ARMH4: variants seen among roughly 807,000 people sequenced by gnomAD.
ARMH4 encodes the protein armadillo like helical domain containing 4, also known as armadillo-like helical domain-containing protein 4.
Under a neutral mutation model 61.9 loss-of-function variants are expected in ARMH4, and 49 were observed. The observed-to-expected ratio is 0.79, with a 90% CI of 0.63 to 1.00. ARMH4 has a LOEUF of 1.00. Among genes scored for constraint, ARMH4 ranks in the 50% least tolerant of loss-of-function variants. ARMH4 has a pLI of 0.00. For missense variants in ARMH4, 934 were observed against 930.0 expected (o/e 1.00, Z -0.06); for synonymous variants, 368 against 341.5 (o/e 1.08, Z -0.85).
chr14:58,109,375 T>C (rs892604215), intron 4 of ARMH4, among the ~76,000 whole-genome samples: 1 of 152,220 alleles, frequency 6.6e-6, no homozygotes, highest in African/African-American at 2.4e-5. Flanking sequence ...GAACTTTTTG[T>C]TTGTTTTAAA....
At chr14:58,083,254 T>C (rs1303672181) in intron 5 of ARMH4, among the ~76,000 whole-genome samples, 1 of 152,186 alleles carries the variant, frequency 6.6e-6, no homozygotes, top group Non-Finnish European at 1.5e-5. Context: ...ATAAAAATGT[T>C]TTCAAAATTT....
intron 4 of ARMH4, among the ~76,000 whole-genome samples, chr14:58,100,709 G>A (rs1162810859): frequency 1.3e-5 from 2 of 152,054 alleles, no homozygotes; most frequent in African/African-American, 4.8e-5. Flanking sequence ...CTCCTCTTGG[G>A]GGTGGATCCG....
intron 4 of ARMH4, among the ~76,000 whole-genome samples, chr14:58,098,710 G>A (rs1885844840): frequency 6.6e-6 from 1 of 152,194 alleles, no homozygotes; most frequent in South Asian, 2.1e-4. Context: ...AAGAAGCCTG[G>A]GCTGGGAGGC....
At chr14:58,068,135 T>A (rs1884763607) in intron 5 of ARMH4, among the ~76,000 whole-genome samples, 1 of 152,140 alleles carries the variant, frequency 6.6e-6, no homozygotes, top group African/African-American at 2.4e-5. Context: ...TTTAGTTCTT[T>A]TTATTATTCA....
intron 5 of ARMH4, among the ~76,000 whole-genome samples, chr14:58,093,013 TG>T (rs1252976389): frequency 3.3e-5 from 5 of 152,086 alleles, no homozygotes; most frequent in African/African-American, 7.2e-5. Flanking sequence ...GCTTCAATTA[TG>T]GGGGCAGTTT....
intron 5 of ARMH4, among the ~76,000 whole-genome samples, chr14:58,043,078 G>A (rs1883785041): frequency 6.6e-6 from 1 of 152,154 alleles, no homozygotes; most frequent in Admixed American, 6.5e-5. Flanking sequence ...AATAGAAAAA[G>A]AGGGAATCCT....
chr14:58,086,607 C>T (rs1254501147), intron 5 of ARMH4, among the ~76,000 whole-genome samples: 1 of 152,056 alleles, frequency 6.6e-6, no homozygotes, highest in Non-Finnish European at 1.5e-5. Context: ...ATAGAGCATC[C>T]CCTTTCTCCT....
intron 5 of ARMH4, among the ~76,000 whole-genome samples, chr14:58,042,098 A>C (rs1883734953): frequency 6.6e-6 from 1 of 152,144 alleles, no homozygotes; most frequent in African/African-American, 2.4e-5. Flanking sequence ...AAGCAGACCT[A>C]ATAGACATCT....
chr14:58,004,674 G>C lies in ARMH4; in HGVS notation c.*62C>G. On this transcript the variant is annotated 3_prime_UTR_variant, in exon 8 of 8. Coordinates refer to ENST00000267485, the MANE Select transcript of ARMH4 (RefSeq NM_001001872.4). ...GGCAGGTTGTTCTTTTTTTTTTTCT[G>C]CTCCAAAATAAAAATTAGAATAGTA... 1 of 1,297,806 alleles carries C rather than the reference G, an allele frequency of 7.7e-7. No homozygotes were observed. The highest frequency in any genetic ancestry group is 1.1e-6 in the Non-Finnish European group (1 of 922,552). The allele number at this position is 1,297,806 out of a possible 1,614,324, so 80.4% of individuals were successfully genotyped here. A position where few individuals can be genotyped will look rare whatever the true frequency, so the allele number is the denominator to read the frequency against.
Position 58,096,836 on chromosome 14 carries a change from A to G in ARMH4, c.1977T>C (p.Pro659=). ...GDTELPGFTL[P]GITSQEPGLE... is the part of the protein sequence containing the mutation. Reference sequence around the variant, plus strand: ...AGCCTGGTTCCTGGGATGTGATACCAGGGAGGGTAAAACCTGGCAGCTCAG... The same window carrying G: ...AGCCTGGTTCCTGGGATGTGATACCGGGGAGGGTAAAACCTGGCAGCTCAG... Residue 659 remains proline, a synonymous_variant, in exon 5 of 8, where the codon CCT becomes CCC. Coordinates refer to ENST00000267485, the MANE Select transcript of ARMH4 (RefSeq NM_001001872.4). 6.2e-7 allele frequency: 1 copy of G among 1,614,128 alleles called. No homozygotes were observed.
chr14:58,077,335 G>A (rs1164852701), intron 5 of ARMH4, among the ~76,000 whole-genome samples: 1 of 152,216 alleles, frequency 6.6e-6, no homozygotes, highest in African/African-American at 2.4e-5. Flanking sequence ...TGTGCGTGGT[G>A]GTTCAGGCCT....
In ARMH4 at chr14:58,140,274, T is replaced by TA. The variant is rs1566601534; in HGVS notation, c.-56-861_-56-860insT. Among the ~76,000 whole-genome samples, 30 of 72,352 alleles carry TA rather than the reference T, an allele frequency of 4.1e-4. No individual in the cohort carries two copies. In the East Asian group the frequency reaches 6.0e-3, roughly 15 times the overall value. 47.5% of individuals were successfully genotyped at this position (72,352 alleles called of 152,430 possible). On this transcript the variant is annotated intron_variant, in intron 1 of 7. Transcript: ENST00000267485. ...TAGGCAACAAGAGCAAAACTCCATC[T>TA]CAAAAAAAAAAAAGAGAGACCCCAG...
At chr14:58,057,875 A>G (rs1221310411) in intron 5 of ARMH4, among the ~76,000 whole-genome samples, 2 of 152,182 alleles carry the variant, frequency 1.3e-5, no homozygotes, top group Non-Finnish European at 1.5e-5. Context: ...AACAAGAGAG[A>G]GGACCTTGCT....
chr14:58,133,018 C>T, intron 3 of ARMH4, 72 bp downstream of exon 3: 1 of 1,551,662 alleles, frequency 6.4e-7, no homozygotes, highest in Non-Finnish European at 8.8e-7. Context: ...CTGCCTCACT[C>T]ATTCTATTCC....
Position 58,004,458 on chromosome 14 carries a change from T to A in ARMH4, c.*278A>T. Reference sequence around the variant, plus strand: ...TATTTACTCTGCCTAATGTAGCAACTCCTACTGAAAAACATATATGTTGCA... The same window carrying A: ...TATTTACTCTGCCTAATGTAGCAACACCTACTGAAAAACATATATGTTGCA... On this transcript the variant is annotated 3_prime_UTR_variant, in exon 8 of 8. Coordinates refer to ENST00000267485, the MANE Select transcript of ARMH4 (RefSeq NM_001001872.4). 1 of 267,146 alleles carries A rather than the reference T, an allele frequency of 3.7e-6. No individual in the cohort carries two copies. Among genetic ancestry groups the A allele is most frequent in the Non-Finnish European group, 7.1e-6 (1 of 140,726 alleles). 16.5% of individuals were successfully genotyped at this position (267,146 alleles called of 1,614,324 possible).
chr14:58,110,337 G>A (rs1045354570), intron 4 of ARMH4, among the ~76,000 whole-genome samples: 12 of 152,176 alleles, frequency 7.9e-5, no homozygotes, highest in African/African-American at 2.9e-4. Flanking sequence ...TCTGTGCTGA[G>A]AACGTTTAAC....
intron 5 of ARMH4, among the ~76,000 whole-genome samples, chr14:58,083,113 G>A: frequency 6.6e-6 from 1 of 152,250 alleles, no homozygotes; most frequent in East Asian, 1.9e-4. Flanking sequence ...AAGAGGGCAA[G>A]GAACCAATAT....
At position 58,138,245 on chromosome 14, in the gene ARMH4, C is replaced by A; in HGVS notation, c.1114G>T (p.Gly372Trp). 1 of 1,614,228 alleles carries A rather than the reference C, an allele frequency of 6.2e-7. No individual in the cohort carries two copies. Among genetic ancestry groups the A allele is most frequent in the Non-Finnish European group, 8.5e-7 (1 of 1,180,040 alleles). ...AAQVALGLPE[G>W]ETHTGTALLI... The stretch of plus-strand genomic sequence containing the variant: ...AGGGCTGTGCCCGTGTGTGTTTCCC[C>A]TTCAGGCAGCCCCAGAGCCACCTGT... Residue 372 changes from glycine to tryptophan, a missense_variant, in exon 2 of 8, where the codon GGG becomes TGG. Coordinates refer to ENST00000267485, the MANE Select transcript of ARMH4 (RefSeq NM_001001872.4).
At chr14:58,140,229 C>T (rs1234443077) in intron 1 of ARMH4, among the ~76,000 whole-genome samples, 10 of 144,312 alleles carry the variant, frequency 6.9e-5, no homozygotes, top group African/African-American at 2.1e-4. Context: ...GAGCTGAGAT[C>T]GTGCCATTGC....
Sources: gnomAD v4.1 joint callset for allele counts (sites outside exome capture counted in the v4.1 genomes callset) on GRCh38, gnomAD v4.1.1 for gene constraint, MANE v1.5 for transcripts, NCBI Gene and HGNC (gene_info 2026-07-23, HGNC 2026-07-21) for gene names.